AGBL4: variants seen among roughly 807,000 people sequenced by gnomAD.
The protein encoded by AGBL4 is AGBL carboxypeptidase 4.
Under a neutral mutation model 66.4 loss-of-function variants are expected in AGBL4, and 58 were observed. That is an observed-to-expected ratio of 0.87 (90% confidence interval 0.71 to 1.09). The LOEUF (loss-of-function observed/expected upper bound fraction) is 1.09. Ranked by LOEUF, AGBL4 falls within the 50% of genes least tolerant of loss-of-function variation. AGBL4 has a pLI of 0.00. For missense variants in AGBL4, 579 were observed against 631.0 expected (o/e 0.92, Z 0.88); for synonymous variants, 234 against 222.9 (o/e 1.05, Z -0.44).
chr1:49,741,163 TAAA>T (rs1294269500), intron 2 of AGBL4, among the ~76,000 whole-genome samples: 3 of 151,436 alleles, frequency 2.0e-5, no homozygotes, highest in African/African-American at 7.3e-5. Flanking sequence ...GCAAGACTAA[TAAA>T]GAAGAAAAGA....
chr1:49,674,978 G>T (rs1045237866), intron 3 of AGBL4, among the ~76,000 whole-genome samples: 3 of 152,136 alleles, frequency 2.0e-5, no homozygotes, highest in African/African-American at 7.2e-5. Flanking sequence ...AAATTAGAAT[G>T]CCTGGGGATT....
chr1:49,747,234 T>C (rs1392144576), intron 2 of AGBL4, among the ~76,000 whole-genome samples: 3 of 152,168 alleles, frequency 2.0e-5, no homozygotes, highest in African/African-American at 7.2e-5. Flanking sequence ...TAAATAAAAG[T>C]ACATCAGAAC....
intron 4 of AGBL4, among the ~76,000 whole-genome samples, chr1:49,051,561 C>G (rs1644211363): frequency 6.6e-6 from 1 of 152,142 alleles, no homozygotes; most frequent in African/African-American, 2.4e-5. Flanking sequence ...GTCATCTATG[C>G]CAACACATGG....
At chr1:49,239,890 A>G (rs1651080561) in intron 4 of AGBL4, among the ~76,000 whole-genome samples, 1 of 152,114 alleles carries the variant, frequency 6.6e-6, no homozygotes, top group African/African-American at 2.4e-5. Context: ...TGCAATGTAA[A>G]AAATAAGACA....
At chr1:49,966,891 T>C (rs1433120379) in intron 1 of AGBL4, among the ~76,000 whole-genome samples, 1 of 152,164 alleles carries the variant, frequency 6.6e-6, no homozygotes, top group Non-Finnish European at 1.5e-5. Context: ...AACTGCTATC[T>C]AAAAAGATTA....
intron 6 of AGBL4, among the ~76,000 whole-genome samples, chr1:48,699,293 T>C (rs1315382763): frequency 1.3e-5 from 2 of 152,228 alleles, no homozygotes; most frequent in African/African-American, 4.8e-5. Context: ...CTCTGTAAAA[T>C]AGGGACAATA....
chr1:48,662,281 G>A (rs969661561), intron 7 of AGBL4, among the ~76,000 whole-genome samples: 9 of 152,124 alleles, frequency 5.9e-5, no homozygotes, highest in Non-Finnish European at 1.0e-4. Context: ...TGCCAGCTTC[G>A]TAACAGCCTG....
chr1:48,559,102 T>C (rs12410980), intron 11 of AGBL4, among the ~76,000 whole-genome samples: 12,179 of 152,276 alleles, frequency 0.08, 610 homozygotes, highest in East Asian at 0.19. Flanking sequence ...CTAATCTTTC[T>C]GTAACAGAGC....
intron 3 of AGBL4, among the ~76,000 whole-genome samples, chr1:49,274,218 T>C (rs1290224789): frequency 6.6e-6 from 1 of 152,206 alleles, no homozygotes; most frequent in African/African-American, 2.4e-5. Context: ...TTTGACATAC[T>C]TCTCACAGTC....
At chr1:48,727,284 T>C (rs1647342225) in intron 6 of AGBL4, among the ~76,000 whole-genome samples, 1 of 152,202 alleles carries the variant, frequency 6.6e-6, no homozygotes, top group South Asian at 2.1e-4. Flanking sequence ...GAATCTCAGA[T>C]CACCTTGAGT....
At position 49,573,146 on chromosome 1, in the gene AGBL4, C is replaced by CTGTGTGTG. The variant is rs57980631; in HGVS notation, c.282+124159_282+124166dup. Among the ~76,000 whole-genome samples, 92 of 136,678 alleles carry CTGTGTGTG rather than the reference C, an allele frequency of 6.7e-4. 1 individual carries two copies. Among genetic ancestry groups the CTGTGTGTG allele is most frequent in the African/African-American group, 1.5e-3 (58 of 37,826 alleles). The allele number at this position is 136,678 out of a possible 152,430, so 89.7% of individuals were successfully genotyped here. A position where few individuals can be genotyped will look rare whatever the true frequency, so the allele number is the denominator to read the frequency against. Reference sequence around the variant, plus strand: ...TATATGTGTGTCTGTGTGTGTGTGTCTGTGTGTGTGTGTGTGTGTGTGTGT... The same window carrying CTGTGTGTG: ...TATATGTGTGTCTGTGTGTGTGTGTCTGTGTGTGTGTGTGTGTGTGTGTGTGTGTGTGT... On this transcript the variant is annotated intron_variant, in intron 3 of 13. Coordinates refer to ENST00000371839, the MANE Select transcript of AGBL4 (RefSeq NM_032785.4).
At chr1:48,566,641 T>A (rs1315817670) in intron 11 of AGBL4, among the ~76,000 whole-genome samples, 1 of 152,242 alleles carries the variant, frequency 6.6e-6, no homozygotes, top group African/African-American at 2.4e-5. Flanking sequence ...ATTTAATCAG[T>A]GGACTTTGAG....
At chr1:48,770,145 A>C (rs1262779196) in intron 6 of AGBL4, among the ~76,000 whole-genome samples, 4 of 152,052 alleles carry the variant, frequency 2.6e-5, no homozygotes, top group African/African-American at 9.7e-5. Flanking sequence ...TCTGACCCCA[A>C]CTCTGCTTTC....
At chr1:49,285,791 C>A (rs1265312167) in intron 3 of AGBL4, among the ~76,000 whole-genome samples, 4 of 151,872 alleles carry the variant, frequency 2.6e-5, no homozygotes, top group Non-Finnish European at 5.9e-5. Context: ...TAAATTCCTC[C>A]ACACATACAC....
intron 6 of AGBL4, among the ~76,000 whole-genome samples, chr1:48,766,112 T>C (rs951936539): frequency 8.5e-5 from 13 of 152,176 alleles, no homozygotes; most frequent in Non-Finnish European, 7.3e-5. Context: ...AAAAATTAGG[T>C]TACCACTTGT....
intron 3 of AGBL4, among the ~76,000 whole-genome samples, chr1:49,636,313 T>G (rs1003014657): frequency 2.6e-5 from 4 of 152,188 alleles, no homozygotes; most frequent in Non-Finnish European, 4.4e-5. Context: ...TTTTGCTGTG[T>G]TCTTACATGG....
At chr1:49,913,421 G>A (rs1651054022) in intron 1 of AGBL4, among the ~76,000 whole-genome samples, 1 of 152,228 alleles carries the variant, frequency 6.6e-6, no homozygotes. Flanking sequence ...TTGACTACAT[G>A]CCCCACATCC....
chr1:49,820,265 A>T (rs1345147174), intron 2 of AGBL4, among the ~76,000 whole-genome samples: 2 of 152,220 alleles, frequency 1.3e-5, no homozygotes, highest in East Asian at 3.8e-4. Context: ...CCAGAGTCAG[A>T]TTAACTTGAT....
intron 6 of AGBL4, among the ~76,000 whole-genome samples, chr1:48,776,239 AG>A (rs1465358869): frequency 6.6e-6 from 1 of 152,172 alleles, no homozygotes; most frequent in Non-Finnish European, 1.5e-5. Context: ...ACTGGGAGAG[AG>A]GTAAAGAGAA....
Sources: allele counts gnomAD v4.1 joint callset (sites outside exome capture counted in the v4.1 genomes callset), GRCh38; gene constraint gnomAD v4.1.1; transcripts MANE v1.5; gene names NCBI Gene and HGNC (gene_info 2026-07-23, HGNC 2026-07-21).